The following AKT3 variants were observed in gnomAD, a reference collection of about 807,000 sequenced individuals.
AKT3 encodes the protein AKT serine/threonine kinase 3.
In AKT3, 15 loss-of-function variants were observed where a neutral mutation model predicts 65.3. The ratio of observed to expected loss-of-function variants is 0.23; its 90% CI spans 0.15 to 0.35. AKT3 has a LOEUF of 0.35. AKT3 is among the 10% of genes least tolerant of loss of function. AKT3 has a pLI of 1.00. For synonymous variants in AKT3, 206 were observed against 183.8 expected (o/e 1.12, Z -0.98); for missense variants, 243 against 576.5 (o/e 0.42, Z 5.92).
chr1:243,554,861 C>T (rs1673306761), intron 10 of AKT3, among the ~76,000 whole-genome samples: 1 of 151,776 alleles, frequency 6.6e-6, no homozygotes, highest in Non-Finnish European at 1.5e-5. Flanking sequence ...CAGCCGGGTT[C>T]TCATCCCCAG....
intron 2 of AKT3, among the ~76,000 whole-genome samples, chr1:243,713,145 C>T (rs962141454): frequency 1.3e-5 from 2 of 152,302 alleles, no homozygotes; most frequent in African/African-American, 2.4e-5. Flanking sequence ...AGTGTTAAAA[C>T]GTTCATGTAT....
intron 3 of AKT3, among the ~76,000 whole-genome samples, chr1:243,687,249 C>T (rs1225034513): frequency 2.6e-5 from 4 of 151,950 alleles, no homozygotes; most frequent in African/African-American, 9.7e-5. Flanking sequence ...TCTAAATAAG[C>T]CCCCCCATTC....
rs550866373 is a variant in AKT3 at position 243,670,745 on chromosome 1, TTAGA to T, written c.173-5866_173-5863del. Among the ~76,000 whole-genome samples, 727 of 152,296 alleles carry T rather than the reference TTAGA, an allele frequency of 4.8e-3. 5 individuals are homozygous for T. The highest frequency in any genetic ancestry group is 0.016 in the African/African-American group (683 of 41,546). On this transcript the variant is annotated intron_variant, in intron 3 of 13. Transcript: ENST00000673466. ...GTTATTTGTTACACTGTTACTTATA[TTAGA>T]TAGTTATACACTAGTTAAACTCTAC...
At chr1:243,644,893 G>A (rs1317918076) in intron 5 of AKT3, among the ~76,000 whole-genome samples, 1 of 152,068 alleles carries the variant, frequency 6.6e-6, no homozygotes, top group Non-Finnish European at 1.5e-5. Context: ...TTAAATTGAC[G>A]TAAAAGAAAA....
At chr1:243,509,613 C>T (rs575749199) in intron 13 of AKT3, among the ~76,000 whole-genome samples, 43 of 152,252 alleles carry the variant, frequency 2.8e-4, no homozygotes, top group Non-Finnish European at 4.9e-4. Flanking sequence ...CAGCCCTGTC[C>T]GCCGGCCCTC....
intron 2 of AKT3, among the ~76,000 whole-genome samples, chr1:243,765,778 A>G (rs1689782614): frequency 1.3e-5 from 2 of 152,158 alleles, no homozygotes; most frequent in South Asian, 4.1e-4. Flanking sequence ...TTAAGTTACA[A>G]AGTTACTCCT....
chr1:243,766,715 T>C (rs1444649853), intron 2 of AKT3, among the ~76,000 whole-genome samples: 2 of 152,086 alleles, frequency 1.3e-5, no homozygotes, highest in Non-Finnish European at 2.9e-5. Context: ...TTTAGGCAAC[T>C]AGAGTAGTGA....
At chr1:243,727,372 C>T (rs1687274429) in intron 2 of AKT3, among the ~76,000 whole-genome samples, 1 of 152,146 alleles carries the variant, frequency 6.6e-6, no homozygotes, top group African/African-American at 2.4e-5. Context: ...CAGCTCAACA[C>T]AGCCTTGACC....
chr1:243,524,139 A>C (rs1314203793), intron 12 of AKT3, among the ~76,000 whole-genome samples: 8 of 152,238 alleles, frequency 5.3e-5, no homozygotes, highest in Non-Finnish European at 1.2e-4. Flanking sequence ...TAAATGTAGA[A>C]AAAGTACAGT....
At chr1:243,795,140 T>A (rs1339408537) in intron 2 of AKT3, among the ~76,000 whole-genome samples, 1 of 145,388 alleles carries the variant, frequency 6.9e-6, no homozygotes, top group Non-Finnish European at 1.5e-5. Context: ...TATGTCTACT[T>A]TTTTTTTTTT....
intron 2 of AKT3, among the ~76,000 whole-genome samples, chr1:243,802,639 C>A (rs976471063): frequency 4.6e-5 from 7 of 152,024 alleles, no homozygotes; most frequent in African/African-American, 1.4e-4. Context: ...TTGTGTAACC[C>A]AAATTACTCT....
At chr1:243,754,821 G>A (rs1348027176) in intron 2 of AKT3, among the ~76,000 whole-genome samples, 1 of 152,184 alleles carries the variant, frequency 6.6e-6, no homozygotes, top group African/African-American at 2.4e-5. Context: ...CCGGTGCCAA[G>A]AAGGCTGGAG....
At chr1:243,734,551 G>T (rs1400798739) in intron 2 of AKT3, among the ~76,000 whole-genome samples, 2 of 151,668 alleles carry the variant, frequency 1.3e-5, no homozygotes, top group African/African-American at 4.8e-5. Context: ...CAGTACACAG[G>T]GTAAAAAAAA....
chr1:243,492,233 C>T (rs986928295), intron 13 of AKT3, among the ~76,000 whole-genome samples: 16 of 150,926 alleles, frequency 1.1e-4, no homozygotes, highest in Non-Finnish European at 1.6e-4. Context: ...CCCCGCTCCC[C>T]GGCGCTGTCT....
rs751110482 is a variant in AKT3, at chr1:243,500,046, A to G, written c.*5203T>C. 2 of 529,328 alleles carry G rather than the reference A, an allele frequency of 3.8e-6. No homozygotes were observed. The highest frequency in any genetic ancestry group is 6.7e-6 in the Non-Finnish European group (2 of 298,198). The allele number at this position is 529,328 out of a possible 1,614,324, so 32.8% of individuals were successfully genotyped here. On this transcript the variant is annotated 3_prime_UTR_variant, in exon 14 of 14. Coordinates refer to ENST00000673466, the MANE Select transcript of AKT3 (RefSeq NM_005465.7). ...TATGTGTTTAAATCTGCTCATTCGT[A>G]TGCTAGGTTATACATATGATTTTCA... is the stretch of plus-strand genomic sequence containing the variant.
intron 2 of AKT3, among the ~76,000 whole-genome samples, chr1:243,718,511 A>G (rs1477156674): frequency 6.6e-6 from 1 of 151,970 alleles, no homozygotes; most frequent in Non-Finnish European, 1.5e-5. Context: ...GTGCAGTGGC[A>G]TGATCTTGGC....
chr1:243,747,818 T>C (rs749328002), intron 2 of AKT3, among the ~76,000 whole-genome samples: 1 of 152,202 alleles, frequency 6.6e-6, no homozygotes, highest in Non-Finnish European at 1.5e-5. Flanking sequence ...AGACATAGTA[T>C]AGGTTTCTTG....
intron 12 of AKT3, among the ~76,000 whole-genome samples, chr1:243,515,398 A>AC (rs541880821): frequency 1.2e-4 from 18 of 152,192 alleles, no homozygotes; most frequent in African/African-American, 4.3e-4. Context: ...TAAAAAAAAA[A>AC]AAAACCCAAT....
At chr1:243,488,583 AT>A (rs1665580298) in intron 13 of AKT3, 1 of 230,378 alleles carries the variant, frequency 4.3e-6, no homozygotes, top group Non-Finnish European at 8.7e-6. Context: ...TGACTGAGTG[AT>A]TAATAATGGA....
Sources: gnomAD v4.1 joint callset for allele counts (sites outside exome capture counted in the v4.1 genomes callset) on GRCh38, gnomAD v4.1.1 for gene constraint, MANE v1.5 for transcripts, NCBI Gene and HGNC (gene_info 2026-07-23, HGNC 2026-07-21) for gene names.